UBXN7: variants seen among roughly 807,000 people sequenced by gnomAD.
UBXN7 encodes UBX domain protein 7, also known as UBX domain-containing protein 7.
A neutral mutation model predicts 58.0 loss-of-function variants in UBXN7; 9 were observed. That is an observed-to-expected ratio of 0.16 (90% confidence interval 0.09 to 0.27). The LOEUF (loss-of-function observed/expected upper bound fraction) is 0.27. Ranked by LOEUF, UBXN7 falls within the 10% of genes least tolerant of loss-of-function variation. The pLI, the probability that UBXN7 is intolerant of heterozygous loss-of-function variation, is 1.00. For missense variants in UBXN7, 328 were observed against 599.6 expected, an observed-to-expected ratio of 0.55 and a Z score of 4.73; for synonymous variants, 208 against 205.0, an observed-to-expected ratio of 1.01 and a Z score of -0.12.
intron 3 of UBXN7, 87 bp from the exon 4 acceptor site, chr3:196,393,706 AAT>A (rs1682894555): frequency 7.4e-7 from 1 of 1,343,754 alleles, no homozygotes; most frequent in African/African-American, 1.5e-5. Flanking sequence ...GTATTTTTTT[AAT>A]AAAACATATG....
chr3:196,424,658 T>C (rs546703852), intron 1 of UBXN7, among the ~76,000 whole-genome samples: 7 of 151,732 alleles, frequency 4.6e-5, no homozygotes, highest in African/African-American at 1.7e-4. Flanking sequence ...AGTGCTGGGA[T>C]TACCGGTGTG....
At chr3:196,376,545 C>CA (rs777458391) in intron 5 of UBXN7, among the ~76,000 whole-genome samples, 8,039 of 50,574 alleles carry the variant, frequency 0.16, 1,155 homozygotes, top group Non-Finnish European at 0.2. Context: ...GACTCTGTCT[C>CA]AAAAAAAAAA....
intron 1 of UBXN7, chr3:196,423,440 TG>T: frequency 1.8e-5 from 5 of 276,418 alleles, no homozygotes; most frequent in Admixed American, 8.1e-5. Flanking sequence ...GATTGTGGCC[TG>T]GCCACTGTGC....
chr3:196,359,031 T>C (rs1340289239), intron 10 of UBXN7, among the ~76,000 whole-genome samples: 1 of 152,096 alleles, frequency 6.6e-6, no homozygotes, highest in East Asian at 1.9e-4. Flanking sequence ...GCTTCTCTGC[T>C]TCGAGAAAAT....
At chr3:196,424,422 T>G (rs1730785204) in intron 1 of UBXN7, among the ~76,000 whole-genome samples, 2 of 142,804 alleles carry the variant, frequency 1.4e-5, no homozygotes, top group African/African-American at 5.2e-5. Flanking sequence ...AGAGACAAGG[T>G]CTCTCTCTGT....
At chr3:196,387,489 G>C (rs1729441660) in intron 5 of UBXN7, among the ~76,000 whole-genome samples, 1 of 152,092 alleles carries the variant, frequency 6.6e-6, no homozygotes, top group African/African-American at 2.4e-5. Context: ...ACTACCATTA[G>C]AGTGAACAGG....
chr3:196,385,455 G>A (rs542734571), intron 5 of UBXN7, among the ~76,000 whole-genome samples: 81 of 151,632 alleles, frequency 5.3e-4, no homozygotes, highest in Admixed American at 2.4e-3. Context: ...GCCTCTGCCC[G>A]GCCGTCATCC....
chr3:196,429,167 A>G (rs1004580033), intron 1 of UBXN7, among the ~76,000 whole-genome samples: 3 of 152,146 alleles, frequency 2.0e-5, no homozygotes, highest in African/African-American at 7.2e-5. Flanking sequence ...CTCTACTAAA[A>G]ATACAAAAAA....
chr3:196,381,310 T>G (rs1729198752), intron 5 of UBXN7, among the ~76,000 whole-genome samples: 4 of 152,238 alleles, frequency 2.6e-5, no homozygotes, highest in Admixed American at 2.0e-4. Context: ...ATATTTGCAG[T>G]TCTGCAGCTT....
In UBXN7 at chr3:196,361,388, T is replaced by C. The variant is rs139214967; in HGVS notation, c.1308+456A>G. ...AAATGACAACAAAGGATTTAGAATA[T>C]TGCATAAACTTGGTGGATAAAATTG... On this transcript the variant is annotated intron_variant, in intron 10 of 10. Coordinates refer to ENST00000296328, the MANE Select transcript of UBXN7 (RefSeq NM_015562.2). Among the ~76,000 whole-genome samples, 5 of 152,366 alleles carry C rather than the reference T, an allele frequency of 3.3e-5. No individual in the cohort carries two copies. In the East Asian group the frequency reaches 7.7e-4, roughly 23 times the overall value.
At chr3:196,370,422 C>T (rs796845090) in intron 6 of UBXN7, among the ~76,000 whole-genome samples, 6 of 149,528 alleles carry the variant, frequency 4.0e-5, no homozygotes, top group African/African-American at 1.2e-4. Context: ...CACTGTGTTC[C>T]GGCCTGGGTG....
intron 5 of UBXN7, among the ~76,000 whole-genome samples, chr3:196,380,660 G>A (rs1158067574): frequency 4.6e-5 from 7 of 152,256 alleles, no homozygotes; most frequent in Admixed American, 4.6e-4. Flanking sequence ...AGGGCGAGCT[G>A]AAGCAGGGCA....
At chr3:196,359,856 A>AGATCG (rs1728457922) in intron 10 of UBXN7, among the ~76,000 whole-genome samples, 1 of 151,956 alleles carries the variant, frequency 6.6e-6, no homozygotes, top group Non-Finnish European at 1.5e-5. Flanking sequence ...CAGTGAGCTG[A>AGATCG]GATCGCACCA....
chr3:196,397,720 T>G (rs1239857672), intron 3 of UBXN7: 1 of 152,304 alleles, frequency 6.6e-6, no homozygotes, highest in Non-Finnish European at 1.5e-5. Flanking sequence ...GCTCAAGCCA[T>G]ACTCCCGCCT....
intron 1 of UBXN7, chr3:196,431,991 C>T (rs923874617): frequency 4.1e-6 from 2 of 490,896 alleles, no homozygotes; most frequent in African/African-American, 1.9e-5. Context: ...AGGGCGGTGG[C>T]CCGGGTGCGG....
chr3:196,360,860 A>C (rs1325953746), intron 10 of UBXN7, among the ~76,000 whole-genome samples: 2 of 152,074 alleles, frequency 1.3e-5, no homozygotes, highest in African/African-American at 4.8e-5. Flanking sequence ...ACCATCTCTA[A>C]AAAAAAGAAA....
intron 8 of UBXN7, among the ~76,000 whole-genome samples, chr3:196,363,201 CACATACATACATACAT>C (rs558530730): frequency 2.4e-4 from 34 of 139,338 alleles, no homozygotes; most frequent in Middle Eastern, 3.6e-3. Context: ...CCGCACCTGG[CACATACATACATACAT>C]ACATACATAC....
At chr3:196,419,347 T>C (rs181484150) in intron 1 of UBXN7, among the ~76,000 whole-genome samples, 1 of 151,878 alleles carries the variant, frequency 6.6e-6, no homozygotes, top group East Asian at 1.9e-4. Flanking sequence ...ATGACTTCCA[T>C]CTTTGGAGTC....
chr3:196,414,272 C>T lies in UBXN7; in HGVS notation c.74-6879G>A, dbSNP rs142723267. On this transcript the variant is annotated intron_variant, in intron 1 of 10. Transcript: ENST00000296328. The stretch of plus-strand genomic sequence containing the variant: ...AGTGCTGAGATTATTTACAGGCATA[C>T]GCCACTGCACCCGGCCTTTTCCCTG... Among the ~76,000 whole-genome samples the T allele has an allele frequency of 3.5e-3, 529 of 152,264 alleles. 2 individuals carry two copies. Among genetic ancestry groups the T allele is most frequent in the African/African-American group, 0.012 (505 of 41,544 alleles).
Sources: allele counts gnomAD v4.1 joint callset (sites outside exome capture counted in the v4.1 genomes callset), GRCh38; gene constraint gnomAD v4.1.1; transcripts MANE v1.5; gene names NCBI Gene and HGNC (gene_info 2026-07-23, HGNC 2026-07-21).